Variants in MYL4 observed in about 807,000 individuals in gnomAD.
MYL4 encodes myosin light chain 4.
A neutral mutation model predicts 21.6 loss-of-function variants in MYL4; 16 were observed. The observed-to-expected ratio is 0.74, with a 90% CI of 0.50 to 1.12. The LOEUF (loss-of-function observed/expected upper bound fraction) is 1.12. Ranked by LOEUF, MYL4 falls within the 50% of genes most tolerant of loss-of-function variation. The pLI is 0.00. For missense variants in MYL4, 249 were observed against 252.9 expected (o/e 0.98, Z 0.11); for synonymous variants, 82 against 95.7 (o/e 0.86, Z 0.83).
chr17:47,212,277 T>C (rs1255928616), intron 1 of MYL4, among the ~76,000 whole-genome samples: 1 of 152,206 alleles, frequency 6.6e-6, no homozygotes, highest in Non-Finnish European at 1.5e-5. Flanking sequence ...TGTCATTCAC[T>C]CTCCTCTTCT....
At chr17:47,203,243 G>A (rs2064715797) in intron 1 of MYL4, among the ~76,000 whole-genome samples, 1 of 152,136 alleles carries the variant, frequency 6.6e-6, no homozygotes, top group Admixed American at 6.5e-5. Flanking sequence ...AAAACATTTC[G>A]ACTTCTATCT....
the MYL4 span, among the ~76,000 whole-genome samples, chr17:47,194,254 A>G: frequency 1.3e-5 from 2 of 152,184 alleles, no homozygotes; most frequent in Non-Finnish European, 2.9e-5. Context: ...AGATATCACC[A>G]TCTTTTCCAT....
At chr17:47,205,901 C>T (rs771649673), upstream of MYL4, among the ~76,000 whole-genome samples, 12 of 152,148 alleles carry the variant, frequency 7.9e-5, no homozygotes, top group Non-Finnish European at 1.2e-4. Flanking sequence ...TCCCTTTAGC[C>T]ACTGTCACCT....
intron 2 of MYL4, among the ~76,000 whole-genome samples, chr17:47,219,191 C>G (rs1224822893): frequency 1.3e-5 from 2 of 152,240 alleles, no homozygotes; most frequent in African/African-American, 4.8e-5. Context: ...CAGCCTGGAA[C>G]AGGCAGTACT....
chr17:47,220,179 C>T, intron 3 of MYL4, 126 bp downstream of exon 3: 2 of 1,184,504 alleles, frequency 1.7e-6, no homozygotes, highest in Admixed American at 2.9e-5. Flanking sequence ...CAGGACCAGC[C>T]TCACCTACCC....
At chr17:47,197,026 T>G (rs1044492739), upstream of MYL4, among the ~76,000 whole-genome samples, 18 of 145,488 alleles carry the variant, frequency 1.2e-4, no homozygotes, top group Admixed American at 6.2e-4. Flanking sequence ...AACATGATGC[T>G]TTTTTTTTGA....
intron 2 of MYL4, among the ~76,000 whole-genome samples, chr17:47,218,211 T>G (rs946859239): frequency 6.6e-6 from 1 of 152,216 alleles, no homozygotes; most frequent in Non-Finnish European, 1.5e-5. Context: ...TTTATGTCTT[T>G]TAAATTCATA....
rs367845840 is a variant in MYL4, at chr17:47,220,092, G to T, written c.313+39G>T. 15 of 1,565,086 alleles carry T rather than the reference G, an allele frequency of 9.6e-6. No homozygotes were observed. In the African/African-American group the frequency reaches 1.1e-4, roughly 11 times the overall value. On this transcript the variant is annotated intron_variant, in intron 3 of 6. Coordinates refer to ENST00000393450, the MANE Select transcript of MYL4 (RefSeq NM_002476.2). ...CATGGCAGACCTCTCCCAGGGTCAG[G>T]CTTGCAGCCCCTTGGCTTCCTCCTT...
chr17:47,206,999 G>A (rs1368324536), upstream of MYL4, among the ~76,000 whole-genome samples: 1 of 152,158 alleles, frequency 6.6e-6, no homozygotes, highest in African/African-American at 2.4e-5. Context: ...GGTAGGTCAA[G>A]GAGAGGACTG....
chr17:47,200,154 C>G (rs1032673374), upstream of MYL4, among the ~76,000 whole-genome samples: 22 of 147,698 alleles, frequency 1.5e-4, no homozygotes, highest in Admixed American at 8.9e-4. Context: ...GACAAGCACA[C>G]TAGATCTAGT....
chr17:47,204,646 CA>C (rs2064720879), upstream of MYL4, among the ~76,000 whole-genome samples: 1 of 151,620 alleles, frequency 6.6e-6, no homozygotes, highest in Non-Finnish European at 1.5e-5. Context: ...GCGGGAGAAT[CA>C]CTTGAACCAG....
intron 2 of MYL4, among the ~76,000 whole-genome samples, chr17:47,214,452 G>A (rs973326175): frequency 2.6e-5 from 4 of 152,060 alleles, no homozygotes; most frequent in African/African-American, 9.7e-5. Context: ...TCATTGCAGC[G>A]TATCCCTCTG....
downstream of MYL4, among the ~76,000 whole-genome samples, chr17:47,226,401 T>C (rs2064885755): frequency 6.6e-6 from 1 of 152,200 alleles, no homozygotes; most frequent in Non-Finnish European, 1.5e-5. Flanking sequence ...ACAGAGGTCA[T>C]AGCTCACTTA....
intron 2 of MYL4, among the ~76,000 whole-genome samples, chr17:47,215,816 G>A (rs1425067082): frequency 6.6e-6 from 1 of 152,002 alleles, no homozygotes; most frequent in Non-Finnish European, 1.5e-5. Context: ...CTTGAGACAA[G>A]GTCTTGCTCT....
At chr17:47,201,902 A>G (rs1355700057) in intron 1 of MYL4, among the ~76,000 whole-genome samples, 3 of 152,162 alleles carry the variant, frequency 2.0e-5, no homozygotes, top group Non-Finnish European at 2.9e-5. Flanking sequence ...TGTGTGTATT[A>G]TTAAAAATTT....
At chr17:47,208,795 C>T (rs1431573000), upstream of MYL4, among the ~76,000 whole-genome samples, 2 of 152,046 alleles carry the variant, frequency 1.3e-5, no homozygotes, top group Non-Finnish European at 2.9e-5. Flanking sequence ...TCCTGGGATG[C>T]CTGCTCTGGA....
chr17:47,213,682 G>T, intron 1 of MYL4, 117 bp from the exon 2 acceptor site: 3 of 967,114 alleles, frequency 3.1e-6, no homozygotes, highest in Non-Finnish European at 3.4e-6. Context: ...CTTATCAGTG[G>T]CCTGCTGGAG....
chr17:47,205,693 G>T (rs1367543882), upstream of MYL4, among the ~76,000 whole-genome samples: 3 of 152,162 alleles, frequency 2.0e-5, no homozygotes, highest in Non-Finnish European at 2.9e-5. Context: ...CCCTGCTGGG[G>T]CTCCTGTGCC....
the MYL4 span, among the ~76,000 whole-genome samples, chr17:47,191,573 C>A: frequency 6.6e-6 from 1 of 152,176 alleles, no homozygotes; most frequent in Admixed American, 6.5e-5. Flanking sequence ...GGGGTTCAAG[C>A]AATTCTCCTG....
Sources: gnomAD v4.1 joint callset for allele counts (sites outside exome capture counted in the v4.1 genomes callset) on GRCh38, gnomAD v4.1.1 for gene constraint, MANE v1.5 for transcripts, NCBI Gene and HGNC (gene_info 2026-07-23, HGNC 2026-07-21) for gene names.